The following CEACAM21 variants were observed in gnomAD, a reference collection of about 807,000 sequenced individuals.
CEACAM21 encodes the protein cell adhesion molecule CEACAM21.
In CEACAM21, 38 loss-of-function variants were observed where a neutral mutation model predicts 33.2. That is an observed-to-expected ratio of 1.14 (90% CI 0.88 to 1.50). The LOEUF is 1.50. CEACAM21 is among the 40% of genes most tolerant of loss of function. The pLI, the probability that CEACAM21 is intolerant of heterozygous loss-of-function variation, is 0.00. For missense variants in CEACAM21, 385 were observed against 364.6 expected, an observed-to-expected ratio of 1.06 and a Z score of -0.46; for synonymous variants, 156 against 143.0, an observed-to-expected ratio of 1.09 and a Z score of -0.65.
At chr19:41,562,382 T>C (rs73033671) in intron 1 of CEACAM21, among the ~76,000 whole-genome samples, 8,987 of 150,602 alleles carry the variant, frequency 0.06, 339 homozygotes, top group South Asian at 0.09. Flanking sequence ...AGAATCTGTG[T>C]CCAGAATATG....
In CEACAM21 at chr19:41,576,285, C is replaced by T. The variant is rs782487033; in HGVS notation, c.11C>T (p.Pro4Leu). 1.2e-6 allele frequency: 2 copies of T among 1,613,722 alleles called. No individual in the cohort carries two copies. The highest frequency in any genetic ancestry group is 1.7e-6 in the Non-Finnish European group (2 of 1,179,762). ...CAGGCAGCAGAGACCATGGGGCCCC[C>T]CTCAGCTTGTCCCCACAGAGAATGC... MGP[P>L]SACPHRECIP... is the part of the protein sequence containing the mutation. Residue 4 changes from proline to leucine, a missense_variant, in exon 1 of 7, where the codon CCC (proline) becomes CTC (leucine). Coordinates refer to ENST00000401445, the MANE Select transcript of CEACAM21 (RefSeq NM_001098506.4).
chr19:41,585,374 T>TC, intron 4 of CEACAM21, 69 bp from the exon 5 acceptor site: 15 of 1,512,524 alleles, frequency 9.9e-6, no homozygotes, highest in Non-Finnish European at 1.4e-5. Context: ...CCTTTCCTGG[T>TC]CCCCTATTTT....
intron 3 of CEACAM21, among the ~76,000 whole-genome samples, chr19:41,583,996 T>C (rs1448093424): frequency 6.6e-6 from 1 of 152,006 alleles, no homozygotes; most frequent in East Asian, 1.9e-4. Flanking sequence ...CAGCATTGAG[T>C]TGGCAGCAAG....
At chr19:41,573,399 A>G (rs944000597), upstream of CEACAM21, among the ~76,000 whole-genome samples, 11 of 152,082 alleles carry the variant, frequency 7.2e-5, no homozygotes, top group Non-Finnish European at 2.9e-5. Flanking sequence ...GGCCTTCCAG[A>G]TGCCACTCCT....
At chr19:41,552,292 G>A (rs1211223029) in intron 1 of CEACAM21, 2 of 152,224 alleles carry the variant, frequency 1.3e-5, no homozygotes, top group South Asian at 4.2e-4. Flanking sequence ...GTTTGGGGGG[G>A]GTTCCTTTAG....
chr19:41,573,769 G>A (rs1288968654), upstream of CEACAM21, among the ~76,000 whole-genome samples: 1 of 152,186 alleles, frequency 6.6e-6, no homozygotes, highest in East Asian at 1.9e-4. Context: ...AAGAAAGTGG[G>A]AATAATTTAT....
At chr19:41,557,950 A>G (rs1555785928) in intron 1 of CEACAM21, among the ~76,000 whole-genome samples, 1 of 152,204 alleles carries the variant, frequency 6.6e-6, no homozygotes, top group Non-Finnish European at 1.5e-5. Context: ...GTAGCAAATG[A>G]TAGAGCCAGT....
chr19:41,584,851 G>A (rs2070604103), intron 4 of CEACAM21, among the ~76,000 whole-genome samples: 1 of 152,202 alleles, frequency 6.6e-6, no homozygotes, highest in African/African-American at 2.4e-5. Context: ...CGGGCTGGGT[G>A]GGGTCAGCAC....
chr19:41,567,436 G>A (rs1406577299), intron 2 of CEACAM21, among the ~76,000 whole-genome samples: 1 of 152,170 alleles, frequency 6.6e-6, no homozygotes, highest in Non-Finnish European at 1.5e-5. Flanking sequence ...AACCATAGAT[G>A]TTCATTGCAG....
intron 3 of CEACAM21, among the ~76,000 whole-genome samples, 152 bp from the exon 4 acceptor site, chr19:41,584,195 G>T (rs528868388): frequency 6.6e-6 from 1 of 152,262 alleles, no homozygotes; most frequent in East Asian, 1.9e-4. Context: ...ACCACGGAGA[G>T]CAAGGGAGCC....
intron 2 of CEACAM21, chr19:41,565,484 C>G (rs79971963): frequency 0.032 from 4,949 of 152,378 alleles, 268 homozygotes; most frequent in African/African-American, 0.11. Context: ...TGTTAGAGAC[C>G]TGTTGCGGAT....
chr19:41,572,851 T>A (rs1310015066), upstream of CEACAM21, among the ~76,000 whole-genome samples: 2 of 152,138 alleles, frequency 1.3e-5, no homozygotes, highest in Non-Finnish European at 2.9e-5. Context: ...GCTTCCACCA[T>A]GGGGTGGTTG....
upstream of CEACAM21, among the ~76,000 whole-genome samples, chr19:41,572,012 C>T (rs1189499426): frequency 1.3e-5 from 2 of 151,194 alleles, no homozygotes; most frequent in African/African-American, 4.9e-5. Flanking sequence ...ATTCTCTACT[C>T]TATGTACAGG....
intron 3 of CEACAM21, among the ~76,000 whole-genome samples, chr19:41,581,531 G>A (rs782623083): frequency 5.3e-5 from 8 of 152,096 alleles, no homozygotes; most frequent in South Asian, 2.1e-4. Flanking sequence ...CTCCGCGACC[G>A]AGCTGGTCTT....
At chr19:41,573,993 A>G (rs2042771943), upstream of CEACAM21, among the ~76,000 whole-genome samples, 1 of 152,250 alleles carries the variant, frequency 6.6e-6, no homozygotes, top group Non-Finnish European at 1.5e-5. Context: ...TGGCACAAGA[A>G]TGCACATAGA....
At chr19:41,586,284 A>T in intron 6 of CEACAM21, 180 bp from the exon 7 acceptor site, 1 of 524,920 alleles carries the variant, frequency 1.9e-6, no homozygotes, top group Non-Finnish European at 3.6e-6. Flanking sequence ...GCTGAAGTTC[A>T]GGAAACTGCA....
Position 41,579,589 on chromosome 19 carries a change from A to G in CEACAM21, c.661A>G (p.Ser221Gly). The part of the protein sequence containing the change: ...EYQCEVSNPV[S>G]SNRSDPLKLT... ...TCAGTGTGAGGTCTCCAACCCAGTC[A>G]GCTCCAACAGGAGCGACCCCCTCAA... Residue 221 changes from serine (S) to glycine (G), a missense_variant, in exon 3 of 7, where the codon AGC (serine) becomes GGC (glycine). Physicochemically the swap from Ser to Gly is moderately conservative, Grantham distance 56. Transcript: ENST00000401445. 1 of 1,586,072 alleles carries G rather than the reference A, an allele frequency of 6.3e-7. No individual in the cohort carries two copies. Among genetic ancestry groups the G allele is most frequent in the Non-Finnish European group, 8.6e-7 (1 of 1,165,872 alleles).
At chr19:41,560,428 C>T (rs761518589) in intron 1 of CEACAM21, among the ~76,000 whole-genome samples, 89 of 152,096 alleles carry the variant, frequency 5.9e-4, no homozygotes, top group Non-Finnish European at 1.1e-3. Flanking sequence ...CACTATTTTG[C>T]CCAGACTGGT....
At chr19:41,567,859 G>A (rs1600200268) in intron 2 of CEACAM21, among the ~76,000 whole-genome samples, 1 of 150,842 alleles carries the variant, frequency 6.6e-6, no homozygotes, top group East Asian at 1.9e-4. Context: ...CAATAGTGAG[G>A]ATTGGGAATG....
Sources: gnomAD v4.1 joint callset for allele counts (sites outside exome capture counted in the v4.1 genomes callset) on GRCh38, gnomAD v4.1.1 for gene constraint, MANE v1.5 for transcripts, NCBI Gene and HGNC (gene_info 2026-07-23, HGNC 2026-07-21) for gene names.